The following RAD21 variants were observed in gnomAD, a reference collection of about 807,000 sequenced individuals.
The protein encoded by RAD21 is RAD21 cohesin complex component.
Under a neutral mutation model 71.5 loss-of-function variants are expected in RAD21, and 18 were observed. The observed-to-expected ratio is 0.25, with a 90% CI of 0.17 to 0.37. The LOEUF is 0.37. Ranked by LOEUF, RAD21 falls within the 10% of genes least tolerant of loss-of-function variation. The pLI, the probability that RAD21 is intolerant of heterozygous loss-of-function variation, is 1.00. For missense variants in RAD21, 493 were observed against 769.1 expected, an observed-to-expected ratio of 0.64 and a Z score of 4.25; for synonymous variants, 248 against 254.0, an observed-to-expected ratio of 0.98 and a Z score of 0.22.
At chr8:116,858,620 G>A (rs1812521540) in intron 4 of RAD21, among the ~76,000 whole-genome samples, 162 bp from the exon 5 acceptor site, 1 of 152,042 alleles carries the variant, frequency 6.6e-6, no homozygotes, top group Non-Finnish European at 1.5e-5. Context: ...TACAATCCAA[G>A]AATGTAAGTG....
chr8:116,858,493 G>A, intron 4 of RAD21, 35 bp from the exon 5 acceptor site: 1 of 1,533,544 alleles, frequency 6.5e-7, no homozygotes, highest in Non-Finnish European at 9.0e-7. Context: ...TTAGTTTCAA[G>A]TCTATGTATA....
At chr8:116,870,208 C>A (rs1056946848) in intron 1 of RAD21, among the ~76,000 whole-genome samples, 1 of 152,166 alleles carries the variant, frequency 6.6e-6, no homozygotes, top group Non-Finnish European at 1.5e-5. Flanking sequence ...GTTGTAAACT[C>A]TTCCTCCCAA....
intron 4 of RAD21, among the ~76,000 whole-genome samples, chr8:116,858,760 T>C (rs1314590953): frequency 6.6e-6 from 1 of 152,052 alleles, no homozygotes; most frequent in Non-Finnish European, 1.5e-5. Flanking sequence ...GGCATGGGTT[T>C]TCATTAGGAC....
At chr8:116,849,328 C>T in intron 12 of RAD21, 1 of 308,038 alleles carries the variant, frequency 3.2e-6, no homozygotes, top group Non-Finnish European at 5.9e-6. Flanking sequence ...TGGACTGCTG[C>T]TGATCATGGA....
chr8:116,865,086 T>G (rs1812663806), intron 2 of RAD21, among the ~76,000 whole-genome samples: 1 of 152,164 alleles, frequency 6.6e-6, no homozygotes, highest in Non-Finnish European at 1.5e-5. Context: ...GGAAATATCT[T>G]TACATCCTGT....
Position 116,846,962 on chromosome 8 carries a change from A to G in RAD21, c.*538T>C. On this transcript the variant is annotated 3_prime_UTR_variant, in exon 14 of 14. Coordinates refer to ENST00000297338, the MANE Select transcript of RAD21 (RefSeq NM_006265.3). ...GTACACCTCTGCTCATTATGGAATTACACTTAAAACGAATCTCAAGAGGGT... is the reference window on the plus strand; with the variant it reads ...GTACACCTCTGCTCATTATGGAATTGCACTTAAAACGAATCTCAAGAGGGT... The G allele has an allele frequency of 4.6e-6, 1 of 216,374 alleles. No homozygotes were observed. 13.4% of individuals were successfully genotyped at this position (216,374 alleles called of 1,614,324 possible).
intron 6 of RAD21, among the ~76,000 whole-genome samples, chr8:116,856,976 T>C (rs1401758628): frequency 7.4e-6 from 1 of 135,548 alleles, no homozygotes. Flanking sequence ...TTGTATTTTC[T>C]AGTTTATTTA....
At chr8:116,848,898 CA>C in intron 13 of RAD21, 47 bp downstream of exon 13, 1 of 1,500,372 alleles carries the variant, frequency 6.7e-7, no homozygotes. Context: ...GGAACAATGG[CA>C]AAAGCCTTTG....
At chr8:116,873,354 G>GT (rs1812877444) in intron 1 of RAD21, among the ~76,000 whole-genome samples, 1 of 152,144 alleles carries the variant, frequency 6.6e-6, no homozygotes, top group African/African-American at 2.4e-5. Context: ...CAGATATGGC[G>GT]TATGTCCTCA....
Position 116,861,572 on chromosome 8 carries a change from G to A in RAD21, c.374+269C>T, listed in dbSNP as rs2289937. Among the ~76,000 whole-genome samples the A allele has an allele frequency of 0.11, 17,035 of 151,492 alleles. 2,091 individuals carry two copies. Among genetic ancestry groups the A allele is most frequent in the African/African-American group, 0.3 (12,414 of 41,222 alleles). Reference sequence around the variant, plus strand: ...TCCCTGCTATCATTATATAACAAGCGTATCTGTTTCAGTTTACGTAAGCTT... The same window carrying A: ...TCCCTGCTATCATTATATAACAAGCATATCTGTTTCAGTTTACGTAAGCTT... On this transcript the variant is annotated intron_variant, in intron 4 of 13. Coordinates refer to ENST00000297338, the MANE Select transcript of RAD21 (RefSeq NM_006265.3).
chr8:116,852,248 C>G, intron 10 of RAD21, 152 bp from the exon 11 acceptor site: 1 of 794,472 alleles, frequency 1.3e-6, no homozygotes, highest in Non-Finnish European at 1.9e-6. Flanking sequence ...TAAAGATTTA[C>G]TCAATTTTTA....
chr8:116,864,164 G>A (rs1338900443), intron 2 of RAD21, among the ~76,000 whole-genome samples: 2 of 151,824 alleles, frequency 1.3e-5, no homozygotes, highest in Non-Finnish European at 2.9e-5. Flanking sequence ...AATGAGATAA[G>A]ACTCCATCTA....
At chr8:116,868,625 T>C (rs1034768811) in intron 1 of RAD21, among the ~76,000 whole-genome samples, 1 of 152,094 alleles carries the variant, frequency 6.6e-6, no homozygotes, top group Non-Finnish European at 1.5e-5. Context: ...ATCAAATTTA[T>C]ATAGAAAAGC....
At chr8:116,863,316 TTC>T in intron 2 of RAD21, 57 bp from the exon 3 acceptor site, 2 of 1,538,822 alleles carry the variant, frequency 1.3e-6, no homozygotes, top group Non-Finnish European at 1.8e-6. Flanking sequence ...ATTCATAGTC[TTC>T]TTTTTATCTT....
intron 4 of RAD21, among the ~76,000 whole-genome samples, 159 bp downstream of exon 4, chr8:116,861,682 A>G (rs1382182348): frequency 1.3e-5 from 2 of 152,004 alleles, no homozygotes; most frequent in African/African-American, 4.8e-5. Flanking sequence ...ACAACTTTCT[A>G]GGTTTTATGT....
chr8:116,863,829 G>C (rs1408379237), intron 2 of RAD21, among the ~76,000 whole-genome samples: 2 of 152,080 alleles, frequency 1.3e-5, no homozygotes, highest in African/African-American at 2.4e-5. Context: ...TATGAGGACA[G>C]GAAGCTAACA....
At chr8:116,863,103 AC>A in intron 3 of RAD21, 26 bp downstream of exon 3, 1 of 1,586,772 alleles carries the variant, frequency 6.3e-7, no homozygotes, top group Non-Finnish European at 8.6e-7. Context: ...AACAACAACA[AC>A]AAAAACCAAA....
At chr8:116,847,721 A>G (rs1563686819) in intron 13 of RAD21, 30 bp from the exon 14 acceptor site, 1 of 1,579,788 alleles carries the variant, frequency 6.3e-7, no homozygotes, top group Non-Finnish European at 8.6e-7. Flanking sequence ...GGGTAACTTA[A>G]TCTGTATAAT....
At chr8:116,867,879 CTACAGACTTTTA>C (rs1342080294) in intron 1 of RAD21, among the ~76,000 whole-genome samples, 36 of 152,244 alleles carry the variant, frequency 2.4e-4, no homozygotes, top group African/African-American at 8.2e-4. Context: ...TTCAATGTGT[CTACAGACTTTTA>C]TACCATTTTG....
Sources: gnomAD v4.1 joint callset for allele counts (sites outside exome capture counted in the v4.1 genomes callset) on GRCh38, gnomAD v4.1.1 for gene constraint, MANE v1.5 for transcripts, NCBI Gene and HGNC (gene_info 2026-07-23, HGNC 2026-07-21) for gene names.